The following RERE variants were observed in gnomAD, a reference collection of about 807,000 sequenced individuals.
The protein encoded by RERE is arginine-glutamic acid dipeptide repeats, also known as arginine-glutamic acid dipeptide repeats protein.
RERE carries 40 observed loss-of-function variants against 146.1 expected under a neutral mutation model. That is an observed-to-expected ratio of 0.27 (90% confidence interval 0.21 to 0.36). The LOEUF (loss-of-function observed/expected upper bound fraction) is 0.36, where lower values mean the gene tolerates loss of function less well. Ranked by LOEUF, RERE falls within the 10% of genes least tolerant of loss-of-function variation. The pLI is 1.00. For missense variants in RERE, 1,933 were observed against 2,138.7 expected (o/e 0.90, Z 1.90); for synonymous variants, 1,003 against 866.0 (o/e 1.16, Z -2.78).
chr1:8,362,934 G>A (rs1641647600), intron 15 of RERE, 90 bp from the exon 16 acceptor site: 1 of 1,431,686 alleles, frequency 7.0e-7, no homozygotes, highest in Non-Finnish European at 9.6e-7. Flanking sequence ...AAGCCTGAAG[G>A]CACACCCTAT....
chr1:8,772,733 T>C (rs994282500), intron 1 of RERE, among the ~76,000 whole-genome samples: 4 of 151,980 alleles, frequency 2.6e-5, no homozygotes, highest in African/African-American at 9.7e-5. Flanking sequence ...TAAGCTGAGA[T>C]TGGCCACTGC....
chr1:8,555,716 T>TAC (rs1645999413), intron 6 of RERE, among the ~76,000 whole-genome samples: 1 of 152,152 alleles, frequency 6.6e-6, no homozygotes, highest in Non-Finnish European at 1.5e-5. Flanking sequence ...AAGTCAGCCA[T>TAC]ACACACACAA....
intron 11 of RERE, among the ~76,000 whole-genome samples, chr1:8,458,572 TGC>T (rs1557641531): frequency 6.7e-6 from 1 of 149,778 alleles, no homozygotes; most frequent in Non-Finnish European, 1.5e-5. Context: ...CGTGTGCGCA[TGC>T]GCGCACACAC....
intron 10 of RERE, among the ~76,000 whole-genome samples, chr1:8,485,539 TAAG>T (rs891674227): frequency 4.6e-5 from 7 of 151,212 alleles, no homozygotes; most frequent in Non-Finnish European, 1.0e-4. Context: ...AGATTCAAAG[TAAG>T]AAGTTGTAAA....
chr1:8,648,723 C>G (rs1437434123), intron 2 of RERE, among the ~76,000 whole-genome samples: 1 of 151,914 alleles, frequency 6.6e-6, no homozygotes, highest in Non-Finnish European at 1.5e-5. Flanking sequence ...TCAAAATTGT[C>G]AAATAAAATG....
At chr1:8,784,740 A>AC (rs1369746311) in intron 1 of RERE, among the ~76,000 whole-genome samples, 1 of 152,130 alleles carries the variant, frequency 6.6e-6, no homozygotes, top group Non-Finnish European at 1.5e-5. Context: ...AGCAAACAAA[A>AC]CCCCAAAAAC....
chr1:8,438,477 C>T lies in RERE; in HGVS notation c.1204-15670G>A, dbSNP rs548187092. 3.5e-4 allele frequency among the ~76,000 whole-genome samples: 54 copies of T among 152,294 alleles called. 2 individuals are homozygous for T. In the South Asian group the frequency reaches 0.011, roughly 30 times the overall value. On this transcript the variant is annotated intron_variant, in intron 11 of 22. Transcript: ENST00000400908. ...GAGCAATTTCAGGTTCACAGCAAAA[C>T]GGAACAGAAGGTATAGGGATTTCCC...
At chr1:8,771,893 G>A (rs1445176890) in intron 1 of RERE, among the ~76,000 whole-genome samples, 4 of 133,820 alleles carry the variant, frequency 3.0e-5, no homozygotes, top group African/African-American at 5.8e-5. Flanking sequence ...CTGGGTGACA[G>A]AGTGAGACTC....
At chr1:8,723,101 AC>A (rs1205543118) in intron 1 of RERE, among the ~76,000 whole-genome samples, 2 of 152,218 alleles carry the variant, frequency 1.3e-5, no homozygotes, top group African/African-American at 4.8e-5. Context: ...GTCTCTCTTA[AC>A]ACAGCTATCA....
intron 6 of RERE, among the ~76,000 whole-genome samples, chr1:8,548,469 C>G (rs1042136005): frequency 2.0e-5 from 3 of 152,094 alleles, no homozygotes; most frequent in Non-Finnish European, 4.4e-5. Flanking sequence ...TAAGAAAGAA[C>G]AGAACTGACC....
At chr1:8,663,638 C>T (rs1638504340) in intron 1 of RERE, among the ~76,000 whole-genome samples, 2 of 152,156 alleles carry the variant, frequency 1.3e-5, no homozygotes, top group Admixed American at 6.5e-5. Context: ...CGTCCCACCA[C>T]TTTTTTTCAT....
chr1:8,558,658 AC>A (rs1646035300), intron 4 of RERE, among the ~76,000 whole-genome samples: 1 of 152,192 alleles, frequency 6.6e-6, no homozygotes. Context: ...TATAGCCAAC[AC>A]TAAAACACCA....
chr1:8,447,227 T>C (rs1644334027), intron 11 of RERE, among the ~76,000 whole-genome samples: 1 of 151,952 alleles, frequency 6.6e-6, no homozygotes, highest in Non-Finnish European at 1.5e-5. Context: ...CTTCCTCGCA[T>C]TGGGTTAGAA....
intron 1 of RERE, among the ~76,000 whole-genome samples, chr1:8,793,257 C>CT (rs1641402178): frequency 6.6e-6 from 1 of 151,604 alleles, no homozygotes; most frequent in Non-Finnish European, 1.5e-5. Flanking sequence ...ACAGATGGGG[C>CT]TGAGGCTCAC....
intron 1 of RERE, among the ~76,000 whole-genome samples, chr1:8,675,097 C>A (rs1638804513): frequency 6.6e-6 from 1 of 152,050 alleles, no homozygotes; most frequent in South Asian, 2.1e-4. Flanking sequence ...TCCATGGGGC[C>A]CTGGGGGAAT....
chr1:8,498,732 T>TACACACACACACACACACAC (rs1553175300), intron 8 of RERE, among the ~76,000 whole-genome samples: 69 of 107,826 alleles, frequency 6.4e-4, no homozygotes, highest in African/African-American at 2.1e-3. Context: ...AATAAATATA[T>TACACACACACACACACACAC]ACACACACAC....
chr1:8,705,855 G>A (rs992896909), intron 1 of RERE, among the ~76,000 whole-genome samples: 4 of 152,088 alleles, frequency 2.6e-5, no homozygotes, highest in East Asian at 1.9e-4. Context: ...GGTGGCTCAC[G>A]CCTATAATCC....
At chr1:8,759,920 T>C (rs1640720285) in intron 1 of RERE, among the ~76,000 whole-genome samples, 1 of 151,592 alleles carries the variant, frequency 6.6e-6, no homozygotes, top group African/African-American at 2.4e-5. Flanking sequence ...ATAAATCTAA[T>C]TAAGGTCAGT....
chr1:8,489,306 G>A (rs987352842), intron 10 of RERE, among the ~76,000 whole-genome samples: 1 of 151,274 alleles, frequency 6.6e-6, no homozygotes, highest in African/African-American at 2.4e-5. Context: ...GTTACAGTGA[G>A]CTATAATCAC....
Sources: gnomAD v4.1 joint callset for allele counts (sites outside exome capture counted in the v4.1 genomes callset) on GRCh38, gnomAD v4.1.1 for gene constraint, MANE v1.5 for transcripts, NCBI Gene and HGNC (gene_info 2026-07-23, HGNC 2026-07-21) for gene names.